Variants in BCL2 observed in about 807,000 individuals in gnomAD.
BCL2 encodes the protein BCL2 apoptosis regulator.
Under a neutral mutation model 14.2 loss-of-function variants are expected in BCL2, and 1 was observed. The observed-to-expected ratio is 0.07, with a 90% confidence interval of 0.02 to 0.33. The LOEUF is 0.33. BCL2 is among the 10% of genes least tolerant of loss of function. BCL2 has a pLI of 0.99. For synonymous variants in BCL2, 151 were observed against 137.2 expected, an observed-to-expected ratio of 1.10 and a Z score of -0.70; for missense variants, 247 against 305.9, an observed-to-expected ratio of 0.81 and a Z score of 1.44.
chr18:63,288,950 C>T (rs1912555827), intron 2 of BCL2, among the ~76,000 whole-genome samples: 1 of 152,076 alleles, frequency 6.6e-6, no homozygotes, highest in African/African-American at 2.4e-5. Flanking sequence ...AGCACAGTGC[C>T]TGGCACATAA....
At chr18:63,291,979 G>A (rs1420642463) in intron 2 of BCL2, among the ~76,000 whole-genome samples, 1 of 152,096 alleles carries the variant, frequency 6.6e-6, no homozygotes, top group African/African-American at 2.4e-5. Flanking sequence ...TTATATCAGT[G>A]CTGGGCTCAC....
chr18:63,296,987 C>T (rs896820369), intron 2 of BCL2, among the ~76,000 whole-genome samples: 3 of 152,086 alleles, frequency 2.0e-5, no homozygotes, highest in Admixed American at 6.5e-5. Flanking sequence ...CCGAGGCGGG[C>T]GGACCACGAG....
At chr18:63,164,608 G>A (rs948163705) in intron 2 of BCL2, among the ~76,000 whole-genome samples, 1 of 152,194 alleles carries the variant, frequency 6.6e-6, no homozygotes, top group African/African-American at 2.4e-5. Context: ...AAAAAGCCCT[G>A]CCCAGACCAG....
rs542167720 is a variant in BCL2 at position 63,195,752 on chromosome 18, A to T, written c.586-66993T>A. 2.6e-5 allele frequency among the ~76,000 whole-genome samples: 4 copies of T among 152,236 alleles called. No individual in the cohort carries two copies. In the South Asian group the frequency reaches 6.2e-4, roughly 24 times the overall value. ...GTTTGTATTGTAGGCTTTTAATGAA[A>T]AGTCTAAAAACACACCTATTTAACA... On this transcript the variant is annotated intron_variant, in intron 2 of 2. Transcript: ENST00000333681.
intron 2 of BCL2, among the ~76,000 whole-genome samples, chr18:63,310,453 C>T (rs147149905): frequency 5.4e-4 from 82 of 152,304 alleles, no homozygotes; most frequent in Middle Eastern, 3.4e-3. Context: ...ACATTATCTC[C>T]GGCATGAAAC....
At chr18:63,187,050 A>G (rs924665581) in intron 2 of BCL2, among the ~76,000 whole-genome samples, 3 of 152,188 alleles carry the variant, frequency 2.0e-5, no homozygotes, top group Non-Finnish European at 2.9e-5. Context: ...TGCAAAAAGG[A>G]TATTATATCA....
At chr18:63,308,424 C>T (rs183510253) in intron 2 of BCL2, among the ~76,000 whole-genome samples, 8 of 152,324 alleles carry the variant, frequency 5.3e-5, no homozygotes, top group African/African-American at 1.9e-4. Context: ...GATGAATAAT[C>T]TCAGCCTTCA....
At chr18:63,225,057 G>T (rs1427543336) in intron 2 of BCL2, among the ~76,000 whole-genome samples, 1 of 151,962 alleles carries the variant, frequency 6.6e-6, no homozygotes. Flanking sequence ...AAAAGAAGGA[G>T]AACTGACAGA....
intron 2 of BCL2, among the ~76,000 whole-genome samples, chr18:63,152,661 A>C (rs1268965365): frequency 6.6e-6 from 1 of 152,202 alleles, no homozygotes; most frequent in Non-Finnish European, 1.5e-5. Flanking sequence ...AGGGCCAACC[A>C]AGTATTCCCA....
At chr18:63,239,568 C>T (rs1205487350) in intron 2 of BCL2, among the ~76,000 whole-genome samples, 1 of 152,032 alleles carries the variant, frequency 6.6e-6, no homozygotes, top group African/African-American at 2.4e-5. Context: ...ATGGTGAAAC[C>T]CCGTCTCTAC....
At chr18:63,171,424 A>G (rs1037431044) in intron 2 of BCL2, among the ~76,000 whole-genome samples, 15 of 152,316 alleles carry the variant, frequency 9.8e-5, no homozygotes, top group African/African-American at 2.9e-4. Context: ...ATCCTGATAA[A>G]CTCAGATAAC....
intron 2 of BCL2, among the ~76,000 whole-genome samples, chr18:63,229,123 T>C (rs1269691169): frequency 1.3e-5 from 2 of 152,244 alleles, no homozygotes; most frequent in Non-Finnish European, 2.9e-5. Context: ...ACAGCAAAAA[T>C]TGAATTAACT....
rs188784091 is a variant in BCL2 at position 63,251,751 on chromosome 18, T to G, written c.585+66331A>C. Among the ~76,000 whole-genome samples the G allele has an allele frequency of 4.6e-3, 696 of 149,894 alleles. 5 individuals carry two copies. The highest frequency in any genetic ancestry group is 0.016 in the African/African-American group (662 of 40,796). ...TTCTCTCTTGTTGCCCAGGCTGGAGTGCAATGGCGTGATCTCGTCTCACTA... is the reference window on the plus strand; with the variant it reads ...TTCTCTCTTGTTGCCCAGGCTGGAGGGCAATGGCGTGATCTCGTCTCACTA... On this transcript the variant is annotated intron_variant, in intron 2 of 2. Transcript: ENST00000333681.
At chr18:63,262,515 G>GT (rs1911690729) in intron 2 of BCL2, among the ~76,000 whole-genome samples, 2 of 152,268 alleles carry the variant, frequency 1.3e-5, no homozygotes, top group South Asian at 4.1e-4. Flanking sequence ...TTCCAGGAAG[G>GT]AGGTGGACAA....
intron 2 of BCL2, among the ~76,000 whole-genome samples, chr18:63,302,098 C>G (rs762183448): frequency 6.6e-6 from 1 of 151,868 alleles, no homozygotes; most frequent in Non-Finnish European, 1.5e-5. Flanking sequence ...GAGGCCGAGG[C>G]AGGTGGATCA....
intron 2 of BCL2, among the ~76,000 whole-genome samples, chr18:63,257,358 A>C (rs1911509446): frequency 6.6e-6 from 1 of 152,256 alleles, no homozygotes; most frequent in African/African-American, 2.4e-5. Context: ...ATTCAGAGCA[A>C]GCAAAGTATG....
At chr18:63,311,397 C>T (rs1913315235) in intron 2 of BCL2, among the ~76,000 whole-genome samples, 1 of 152,156 alleles carries the variant, frequency 6.6e-6, no homozygotes, top group Admixed American at 6.5e-5. Context: ...TACTCTGTTG[C>T]AGCTTAACTG....
At chr18:63,287,861 A>T (rs541353492) in intron 2 of BCL2, among the ~76,000 whole-genome samples, 1 of 152,346 alleles carries the variant, frequency 6.6e-6, no homozygotes, top group Non-Finnish European at 1.5e-5. Flanking sequence ...GAACTCAGAT[A>T]TGCAGACTTT....
intron 2 of BCL2, among the ~76,000 whole-genome samples, chr18:63,276,238 AT>A (rs1360825008): frequency 6.6e-6 from 1 of 152,158 alleles, no homozygotes; most frequent in African/African-American, 2.4e-5. Flanking sequence ...CCCCTTCATT[AT>A]TTTTATGAAT....
Sources: allele counts gnomAD v4.1 joint callset (sites outside exome capture counted in the v4.1 genomes callset), GRCh38; gene constraint gnomAD v4.1.1; transcripts MANE v1.5; gene names NCBI Gene and HGNC (gene_info 2026-07-23, HGNC 2026-07-21).